The following RAD51AP2 variants were observed in gnomAD, a reference collection of about 807,000 sequenced individuals.
RAD51AP2 encodes RAD51-associated protein 2.
In RAD51AP2, 67 loss-of-function variants were observed where a neutral mutation model predicts 85.5. That is an observed-to-expected ratio of 0.78 (90% CI 0.64 to 0.96). The LOEUF is 0.96. Ranked by LOEUF, RAD51AP2 falls within the 40% of genes least tolerant of loss-of-function variation. The pLI is 0.00. For synonymous variants in RAD51AP2, 474 were observed against 446.5 expected (o/e 1.06, Z -0.78); for missense variants, 1,307 against 1,332.4 (o/e 0.98, Z 0.30).
Position 17,517,756 on chromosome 2 carries a change from T to C in RAD51AP2, c.660A>G (p.Ser220=), listed in dbSNP as rs775994583. 1.9e-6 allele frequency: 3 copies of C among 1,613,598 alleles called. No homozygotes were observed. Among genetic ancestry groups the C allele is most frequent in the African/African-American group, 1.3e-5 (1 of 74,882 alleles). The change falls in exon 1 of 3, where the codon TCA becomes TCG. Residue 220 remains serine (S), a synonymous_variant. Transcript: ENST00000399080. ...ATGAAATGTTATTTTCTCTTTTATT[T>C]GATGGCACAACACTGTTAGCTTTAC... ...NRCKANSVVP[S]NKRENNISSS... is the part of the protein sequence containing the mutation.
chr2:17,526,414 G>A, the RAD51AP2 span, among the ~76,000 whole-genome samples: 3 of 151,902 alleles, frequency 2.0e-5, no homozygotes, highest in African/African-American at 7.3e-5. Context: ...CAATGTAATA[G>A]CAGCATCATA....
At chr2:17,523,832 C>T in the RAD51AP2 span, among the ~76,000 whole-genome samples, 3 of 151,868 alleles carry the variant, frequency 2.0e-5, no homozygotes, top group Non-Finnish European at 4.4e-5. Context: ...AGAATACTCC[C>T]TCTATCATTA....
chr2:17,518,100 T>C lies in RAD51AP2; in HGVS notation c.316A>G (p.Asn106Asp), dbSNP rs773908060. 2.5e-6 allele frequency: 4 copies of C among 1,614,162 alleles called. No individual in the cohort carries two copies. The Admixed American group carries it at 5.0e-5, about 20-fold the overall frequency. The change falls in exon 1 of 3, where the codon AAT becomes GAT. Residue 106 changes from asparagine to aspartate, a missense_variant. By Grantham distance (23) the Asn-to-Asp change is conservative. This residue lies in a region of RAD51AP2 where 635 missense variants were observed against 643.6 expected (regional missense o/e 0.99). Transcript: ENST00000399080. ...GKQICNLKCS[N>D]LKFQMSSCLQ... ...CAGCTACTCATTTGGAATTTGAGAT[T>C]TGAGCATTTCAGATTACATATCTGC... is the stretch of plus-strand genomic sequence containing the variant.
chr2:17,530,581 T>A, the RAD51AP2 span, among the ~76,000 whole-genome samples: 1 of 76,844 alleles, frequency 1.3e-5, no homozygotes, highest in Non-Finnish European at 2.3e-5. Flanking sequence ...TCAGGCCCTG[T>A]CTCAAAAAAA....
chr2:17,516,689 A>G lies in RAD51AP2; in HGVS notation c.1727T>C (p.Leu576Ser), dbSNP rs762303063. ...IYLQDSVSEP[L>S]DILLKTNIAF... Reference sequence around the variant, plus strand: ...TATGTTAGTTTTCAATAGAATATCTAAAGGTTCTGAAACACTATCTTGTAA... The same window carrying G: ...TATGTTAGTTTTCAATAGAATATCTGAAGGTTCTGAAACACTATCTTGTAA... The change falls in exon 1 of 3, where the codon TTA becomes TCA. Residue 576 changes from leucine (L) to serine (S), a missense_variant. Physicochemically the swap from Leu to Ser is moderately radical, Grantham distance 145. Coordinates refer to ENST00000399080, the MANE Select transcript of RAD51AP2 (RefSeq NM_001099218.3). 1 of 1,573,258 alleles carries G rather than the reference A, an allele frequency of 6.4e-7. No individual in the cohort carries two copies. The highest frequency in any genetic ancestry group is 1.2e-5 in the South Asian group (1 of 84,640).
chr2:17,514,225 T>G lies in RAD51AP2; in HGVS notation c.3248-133A>C, dbSNP rs937376081. 4 of 737,118 alleles carry G rather than the reference T, an allele frequency of 5.4e-6. No individual in the cohort carries two copies. The Admixed American group carries it at 9.5e-5, about 18-fold the overall frequency. 45.7% of individuals were successfully genotyped at this position (737,118 alleles called of 1,614,324 possible). A position where few individuals can be genotyped will look rare whatever the true frequency, so the allele number is the denominator to read the frequency against. The stretch of plus-strand genomic sequence containing the variant: ...TATTTAGAAAAATGAAGTAGGACTC[T>G]TCAAAGCTCCTTTTTAAAATTAACT... On this transcript the variant is annotated intron_variant, in intron 1 of 2. Coordinates refer to ENST00000399080, the MANE Select transcript of RAD51AP2 (RefSeq NM_001099218.3).
chr2:17,532,049 G>T, the RAD51AP2 span, among the ~76,000 whole-genome samples: 2 of 151,488 alleles, frequency 1.3e-5, no homozygotes, highest in African/African-American at 2.4e-5. Context: ...AGCCGGGGTG[G>T]GGGGGGAAGC....
the RAD51AP2 span, among the ~76,000 whole-genome samples, chr2:17,532,493 C>A: frequency 1.3e-5 from 2 of 151,530 alleles, no homozygotes; most frequent in Admixed American, 1.3e-4. Context: ...CTAGCCTGGG[C>A]AACATAACGA....
Position 17,515,370 on chromosome 2 carries a change from CT to C in RAD51AP2, c.3045del (p.Asp1016IlefsTer2). ...TTGTTGACCACAACCATTTTCAAAT[CT>C]TTTTCTATCTCCATTTTTACCTTCT... is the stretch of plus-strand genomic sequence containing the variant. ...DAEKVKMEIE[K>X]DLKMVVVNKI... On this transcript the variant is annotated frameshift_variant, in exon 1 of 3. Transcript: ENST00000399080. LOFTEE classifies it high-confidence loss of function. 6.2e-7 allele frequency: 1 copy of C among 1,611,412 alleles called. No homozygotes were observed. The highest frequency in any genetic ancestry group is 8.5e-7 in the Non-Finnish European group (1 of 1,179,332).
chr2:17,524,610 T>C, the RAD51AP2 span, among the ~76,000 whole-genome samples: 1 of 151,958 alleles, frequency 6.6e-6, no homozygotes, highest in Non-Finnish European at 1.5e-5. Context: ...ATTTCAGACA[T>C]CTATTGCATA....
In RAD51AP2 at chr2:17,515,173, C is replaced by T; in HGVS notation, c.3243G>A (p.Glu1081=). Residue 1081 remains glutamate (E), a synonymous_variant, in exon 1 of 3, where the codon GAG becomes GAA. Coordinates refer to ENST00000399080, the MANE Select transcript of RAD51AP2 (RefSeq NM_001099218.3). ...GTTCTAAAATGAATTTCATACCTTT[C>T]TCAGAAGTAGAGTAAAGTAATTCTT... is the stretch of plus-strand genomic sequence containing the variant. ...SEEELLYSTS[E]KDCETPLPKR... 1 of 1,559,486 alleles carries T rather than the reference C, an allele frequency of 6.4e-7. No homozygotes were observed. The highest frequency in any genetic ancestry group is 8.6e-7 in the Non-Finnish European group (1 of 1,159,390).
chr2:17,516,014 A>G lies in RAD51AP2; in HGVS notation c.2402T>C (p.Ile801Thr), dbSNP rs748907232. Residue 801 changes from isoleucine to threonine, a missense_variant, in exon 1 of 3, where the codon ATA becomes ACA. Ile to Thr is a moderately conservative substitution (Grantham distance 89). This residue lies in a region of RAD51AP2 where 668 missense variants were observed against 671.0 expected (regional missense o/e 1.00). Transcript: ENST00000399080. ...QQAIPASHNI[I>T]HNEETHTTSI... ...AGTGGTATGGGTCTCTTCATTATGT[A>G]TTATGTTGTGGCTTGCTGGTATGGC... The G allele has an allele frequency of 2.5e-6, 4 of 1,613,876 alleles. No homozygotes were observed. The highest frequency in any genetic ancestry group is 3.4e-6 in the Non-Finnish European group (4 of 1,179,842).
chr2:17,535,145 T>C, the RAD51AP2 span, among the ~76,000 whole-genome samples: 1 of 152,188 alleles, frequency 6.6e-6, no homozygotes, highest in Non-Finnish European at 1.5e-5. Context: ...ATTCTTCTGC[T>C]GGGAAATAAT....
the RAD51AP2 span, among the ~76,000 whole-genome samples, chr2:17,526,675 C>G: frequency 1.2e-4 from 18 of 151,998 alleles, no homozygotes; most frequent in Non-Finnish European, 2.9e-5. Flanking sequence ...CTGCAGGAGA[C>G]TTTGGTATTG....
At chr2:17,527,160 G>A in the RAD51AP2 span, among the ~76,000 whole-genome samples, 1 of 151,964 alleles carries the variant, frequency 6.6e-6, no homozygotes, top group African/African-American at 2.4e-5. Flanking sequence ...TTACCTGAGT[G>A]GTGTGTTCAT....
chr2:17,511,967 G>T (rs548237311), intron 2 of RAD51AP2, among the ~76,000 whole-genome samples: 4 of 152,136 alleles, frequency 2.6e-5, no homozygotes, highest in East Asian at 3.9e-4. Flanking sequence ...AACACAAAGG[G>T]ATTGTTTAAA....
At chr2:17,524,067 T>C in the RAD51AP2 span, among the ~76,000 whole-genome samples, 27 of 152,034 alleles carry the variant, frequency 1.8e-4, no homozygotes, top group Non-Finnish European at 3.1e-4. Context: ...ACAAGAAATA[T>C]GCATATAAAA....
chr2:17,521,387 G>T (rs1662853709), upstream of RAD51AP2, among the ~76,000 whole-genome samples: 1 of 152,014 alleles, frequency 6.6e-6, no homozygotes, highest in Non-Finnish European at 1.5e-5. Flanking sequence ...CCAGAAATAT[G>T]ACAAGACAGT....
the RAD51AP2 span, among the ~76,000 whole-genome samples, chr2:17,527,076 T>A: frequency 6.6e-6 from 1 of 152,102 alleles, no homozygotes; most frequent in Non-Finnish European, 1.5e-5. Context: ...TGACAGCCAA[T>A]ATAGAGTAGT....
Sources: allele counts gnomAD v4.1 joint callset (sites outside exome capture counted in the v4.1 genomes callset), GRCh38; gene constraint gnomAD v4.1.1; regional missense constraint gnomAD v4.1.1; transcripts MANE v1.5; gene names NCBI Gene and HGNC (gene_info 2026-07-23, HGNC 2026-07-21).